The following MNS1 variants were observed in gnomAD, a reference collection of about 807,000 sequenced individuals.
MNS1 encodes meiosis-specific nuclear structural protein 1.
Under a neutral mutation model 72.0 loss-of-function variants are expected in MNS1, and 63 were observed. The ratio of observed to expected loss-of-function variants is 0.87; its 90% CI spans 0.71 to 1.08. The LOEUF (loss-of-function observed/expected upper bound fraction) is 1.08. MNS1 is among the 50% of genes least tolerant of loss of function. MNS1 has a pLI of 0.00. For synonymous variants in MNS1, 188 were observed against 172.1 expected, an observed-to-expected ratio of 1.09 and a Z score of -0.72; for missense variants, 604 against 562.4, an observed-to-expected ratio of 1.07 and a Z score of -0.75.
At chr15:56,460,009 A>AAAAATATATATATATATAT in intron 2 of MNS1, among the ~76,000 whole-genome samples, 1 of 26,388 alleles carries the variant, frequency 3.8e-5, no homozygotes, top group Non-Finnish European at 7.0e-5. Context: ...AAAAAAAAAA[A>AAAAATATATATATATATAT]ATACATATAT....
rs542070283 is a variant in MNS1, at chr15:56,436,369, C to G, written c.1012-1974G>C. Among the ~76,000 whole-genome samples, 5 of 152,162 alleles carry G rather than the reference C, an allele frequency of 3.3e-5. No individual in the cohort carries two copies. In the East Asian group the frequency reaches 7.7e-4, roughly 23 times the overall value. On this transcript the variant is annotated intron_variant, in intron 7 of 9. Transcript: ENST00000260453. ...TCCTGAATGACTACTGGATGCATAACGAAATGAAGGCAGAAATAAAGATGT... is the reference window on the plus strand; with the variant it reads ...TCCTGAATGACTACTGGATGCATAAGGAAATGAAGGCAGAAATAAAGATGT...
At chr15:56,456,288 T>C in intron 3 of MNS1, 106 bp downstream of exon 3, 1 of 1,005,962 alleles carries the variant, frequency 9.9e-7, no homozygotes, top group Non-Finnish European at 1.4e-6. Context: ...AAATATTAAC[T>C]AAGTGAAATG....
At chr15:56,440,811 G>A (rs1490186400) in intron 7 of MNS1, among the ~76,000 whole-genome samples, 1 of 152,122 alleles carries the variant, frequency 6.6e-6, no homozygotes, top group African/African-American at 2.4e-5. Context: ...AGCATGATCA[G>A]TCTGTCATTC....
At chr15:56,447,150 C>T (rs544133996) in intron 3 of MNS1, 22 of 468,416 alleles carry the variant, frequency 4.7e-5, no homozygotes, top group African/African-American at 3.9e-4. Context: ...AAGTACTGCT[C>T]TGTTCTATTA....
chr15:56,453,025 C>T (rs1238896875), intron 3 of MNS1, among the ~76,000 whole-genome samples: 1 of 152,084 alleles, frequency 6.6e-6, no homozygotes, highest in Non-Finnish European at 1.5e-5. Flanking sequence ...GTATTTTATT[C>T]TCTATTAGTC....
Position 56,464,042 on chromosome 15 carries a change from T to A in MNS1, c.209A>T (p.Glu70Val). 6.2e-7 allele frequency: 1 copy of A among 1,612,672 alleles called. No homozygotes were observed. The highest frequency in any genetic ancestry group is 8.5e-7 in the Non-Finnish European group (1 of 1,179,520). Residue 70 changes from glutamate (E) to valine (V), a missense_variant, in exon 2 of 10, where the codon GAA becomes GTA. Transcript: ENST00000260453. ...LQNEQFELDM[E>V]EAIQKAEENK... ...AAAACTTACCTTTTGAATGGCCTCT[T>A]CCATATCCAACTCAAATTGTTCATT...
At chr15:56,460,665 A>C (rs148489048) in intron 2 of MNS1, among the ~76,000 whole-genome samples, 1 of 152,328 alleles carries the variant, frequency 6.6e-6, no homozygotes, top group East Asian at 1.9e-4. Flanking sequence ...CAAAATAATA[A>C]GTTAAAAATA....
At chr15:56,458,295 T>C (rs554479071) in intron 2 of MNS1, among the ~76,000 whole-genome samples, 22 of 152,128 alleles carry the variant, frequency 1.4e-4, no homozygotes, top group South Asian at 1.2e-3. Flanking sequence ...TTAAAAAAAA[T>C]AGACTTTGAA....
In MNS1 at chr15:56,456,993, G is replaced by T. The variant is rs147852522; in HGVS notation, c.226-472C>A. ...ATAATTCCTTAATGTCTAATACCAT[G>T]TTCATATTCAAGCTTTCCCAATTGT... On this transcript the variant is annotated intron_variant, in intron 2 of 9. Transcript: ENST00000260453. Among the ~76,000 whole-genome samples, 126 of 152,192 alleles carry T rather than the reference G, an allele frequency of 8.3e-4. 1 individual carries two copies. Among genetic ancestry groups the T allele is most frequent in the Non-Finnish European group, 1.5e-3 (103 of 67,990 alleles).
intron 3 of MNS1, among the ~76,000 whole-genome samples, chr15:56,451,523 G>A (rs1447424304): frequency 6.6e-6 from 1 of 152,166 alleles, no homozygotes; most frequent in Non-Finnish European, 1.5e-5. Flanking sequence ...TGGGAGGAGA[G>A]ACAGGAGCTG....
In MNS1 at chr15:56,464,866, T is replaced by C; in HGVS notation, c.3+104A>G. ...AAGCAAATACAAGTTCCCCAATTAATGACCAGATTAAGCACTTAAAATCCT... is the reference window on the plus strand; with the variant it reads ...AAGCAAATACAAGTTCCCCAATTAACGACCAGATTAAGCACTTAAAATCCT... On this transcript the variant is annotated intron_variant, in intron 1 of 9. Transcript: ENST00000260453. The C allele has an allele frequency of 2.0e-6, 3 of 1,490,264 alleles. No individual in the cohort carries two copies. In the South Asian group the frequency reaches 3.6e-5, roughly 18 times the overall value. The allele number at this position is 1,490,264 out of a possible 1,614,324, so 92.3% of individuals were successfully genotyped here. A position where few individuals can be genotyped will look rare whatever the true frequency, so the allele number is the denominator to read the frequency against.
chr15:56,432,660 G>A (rs1224518126), intron 8 of MNS1, among the ~76,000 whole-genome samples: 2 of 152,106 alleles, frequency 1.3e-5, no homozygotes, highest in African/African-American at 4.8e-5. Flanking sequence ...TTTCCATTTA[G>A]TTTTTAGTCT....
rs1237512863 is a variant in MNS1 at position 56,428,923 on chromosome 15, AGCTTGATTAAAATTAATTT to A, written c.*159_*177del. ...TTGAAATTATCAGTACAAAAATAAC[AGCTTGATTAAAATTAATTT>A]GTATCTGATAATTGTTTACAAGTTA... On this transcript the variant is annotated 3_prime_UTR_variant, in exon 10 of 10. Coordinates refer to ENST00000260453, the MANE Select transcript of MNS1 (RefSeq NM_018365.4). The A allele has an allele frequency of 1.9e-6, 1 of 538,876 alleles. No homozygotes were observed. The highest frequency in any genetic ancestry group is 2.0e-5 in the African/African-American group (1 of 50,526). The allele number at this position is 538,876 out of a possible 1,614,324, so 33.4% of individuals were successfully genotyped here.
At chr15:56,433,639 T>C (rs1421198873) in intron 8 of MNS1, among the ~76,000 whole-genome samples, 1 of 152,108 alleles carries the variant, frequency 6.6e-6, no homozygotes, top group Non-Finnish European at 1.5e-5. Context: ...TCTCCGAGCT[T>C]ACTCATCTCT....
chr15:56,442,899 A>C (rs1302715889), intron 7 of MNS1, among the ~76,000 whole-genome samples: 1 of 151,852 alleles, frequency 6.6e-6, no homozygotes, highest in East Asian at 1.9e-4. Context: ...TAAAAGTTGG[A>C]AAGAGAAAAA....
intron 3 of MNS1, among the ~76,000 whole-genome samples, chr15:56,450,435 AC>A (rs2050939986): frequency 6.6e-6 from 1 of 151,784 alleles, no homozygotes; most frequent in Non-Finnish European, 1.5e-5. Context: ...CCTCTCCCTA[AC>A]CCCTGGAATT....
In MNS1 at chr15:56,440,205, A is replaced by G. The variant is rs534779021; in HGVS notation, c.1011+3225T>C. Among the ~76,000 whole-genome samples, 17 of 152,292 alleles carry G rather than the reference A, an allele frequency of 1.1e-4. No individual in the cohort carries two copies. In the South Asian group the frequency reaches 3.5e-3, roughly 32 times the overall value. ...TCATTAGTCATCAGGAAAATGCAAAATAAAACTACAAGGTATCACTACATG... is the reference window on the plus strand; with the variant it reads ...TCATTAGTCATCAGGAAAATGCAAAGTAAAACTACAAGGTATCACTACATG... On this transcript the variant is annotated intron_variant, in intron 7 of 9. Coordinates refer to ENST00000260453, the MANE Select transcript of MNS1 (RefSeq NM_018365.4).
intron 3 of MNS1, among the ~76,000 whole-genome samples, chr15:56,448,386 C>T (rs1276577460): frequency 2.0e-5 from 3 of 152,116 alleles, no homozygotes; most frequent in Non-Finnish European, 2.9e-5. Flanking sequence ...TTTTAACCCA[C>T]TCCTCCTCCA....
At chr15:56,451,413 G>T (rs1025337766) in intron 3 of MNS1, among the ~76,000 whole-genome samples, 1 of 152,146 alleles carries the variant, frequency 6.6e-6, no homozygotes, top group Admixed American at 6.5e-5. Context: ...TTCAGCATTT[G>T]CTTGATTGCA....
Sources: gnomAD v4.1 joint callset for allele counts (sites outside exome capture counted in the v4.1 genomes callset) on GRCh38, gnomAD v4.1.1 for gene constraint, MANE v1.5 for transcripts, NCBI Gene and HGNC (gene_info 2026-07-23, HGNC 2026-07-21) for gene names.